Variants in CSNK2A2IP observed in about 807,000 individuals in gnomAD.
The protein encoded by CSNK2A2IP is casein kinase II subunit alpha'-interacting protein.
chr3:88,422,766 C>T, the CSNK2A2IP span, among the ~76,000 whole-genome samples: 1 of 152,114 alleles, frequency 6.6e-6, no homozygotes, highest in Non-Finnish European at 1.5e-5. Flanking sequence ...TGTTTTACCT[C>T]CTCGTTTCCT....
chr3:88,439,674 G>A, the CSNK2A2IP span, among the ~76,000 whole-genome samples: 2 of 149,940 alleles, frequency 1.3e-5, no homozygotes, highest in Non-Finnish European at 3.0e-5. Context: ...CCAGGGAGTC[G>A]GAGGTTGCAG....
At chr3:88,440,281 C>G in the CSNK2A2IP span, among the ~76,000 whole-genome samples, 301 of 152,198 alleles carry the variant, frequency 2.0e-3, no homozygotes, top group African/African-American at 7.0e-3. Context: ...AAATTTAGAA[C>G]TATTTTTTGG....
chr3:88,461,448 G>A, the CSNK2A2IP span, among the ~76,000 whole-genome samples: 13 of 152,150 alleles, frequency 8.5e-5, no homozygotes, highest in African/African-American at 2.9e-4. Context: ...AGCTACTCGT[G>A]AGGCTGAAGC....
At chr3:88,374,613 G>A in the CSNK2A2IP span, among the ~76,000 whole-genome samples, 5 of 151,460 alleles carry the variant, frequency 3.3e-5, no homozygotes, top group Non-Finnish European at 5.9e-5. Flanking sequence ...ATATCAAAAC[G>A]TACTTTTATT....
chr3:88,370,921 C>T, the CSNK2A2IP span, among the ~76,000 whole-genome samples: 2 of 151,654 alleles, frequency 1.3e-5, no homozygotes, highest in African/African-American at 4.8e-5. Flanking sequence ...CTTGCACGCA[C>T]ATAGAGAAAA....
chr3:88,397,050 A>AG, the CSNK2A2IP span, among the ~76,000 whole-genome samples: 1 of 152,188 alleles, frequency 6.6e-6, no homozygotes, highest in Non-Finnish European at 1.5e-5. Context: ...GAAAAACAAG[A>AG]GGGCATGTGA....
At chr3:88,461,494 A>G in the CSNK2A2IP span, among the ~76,000 whole-genome samples, 8 of 152,296 alleles carry the variant, frequency 5.3e-5, no homozygotes, top group Admixed American at 5.2e-4. Context: ...CGGAGCTTGC[A>G]GTGAGCCGAG....
At chr3:88,456,012 A>T in the CSNK2A2IP span, among the ~76,000 whole-genome samples, 1 of 151,886 alleles carries the variant, frequency 6.6e-6, no homozygotes, top group Non-Finnish European at 1.5e-5. Context: ...GATTGACTGC[A>T]TATGTATGGG....
At chr3:88,362,266 A>G in the CSNK2A2IP span, among the ~76,000 whole-genome samples, 1 of 152,078 alleles carries the variant, frequency 6.6e-6, no homozygotes, top group Non-Finnish European at 1.5e-5. Flanking sequence ...AGAATTTAAT[A>G]AAGATTGGGG....
the CSNK2A2IP span, among the ~76,000 whole-genome samples, chr3:88,463,736 T>C: frequency 2.0e-5 from 3 of 152,174 alleles, no homozygotes; most frequent in South Asian, 4.1e-4. Flanking sequence ...TTGTGGAAGT[T>C]GGCGTGGTGA....
At chr3:88,401,899 A>T in the CSNK2A2IP span, among the ~76,000 whole-genome samples, 8 of 152,210 alleles carry the variant, frequency 5.3e-5, no homozygotes, top group South Asian at 1.7e-3. Flanking sequence ...GAAAGTGTAA[A>T]TTAGCTTAAA....
At chr3:88,414,239 C>T in the CSNK2A2IP span, among the ~76,000 whole-genome samples, 5 of 140,444 alleles carry the variant, frequency 3.6e-5, no homozygotes, top group African/African-American at 1.3e-4. Flanking sequence ...CCTAAGGAAA[C>T]CTAAAATATC....
At chr3:88,405,803 G>A in the CSNK2A2IP span, among the ~76,000 whole-genome samples, 2 of 152,068 alleles carry the variant, frequency 1.3e-5, no homozygotes, top group Non-Finnish European at 2.9e-5. Context: ...GCCCCCACTT[G>A]CCTATTACGT....
chr3:88,408,940 G>A, the CSNK2A2IP span, among the ~76,000 whole-genome samples: 2 of 151,682 alleles, frequency 1.3e-5, no homozygotes, highest in Admixed American at 6.6e-5. Flanking sequence ...AGTCAGCCAC[G>A]ACCACTATTG....
the CSNK2A2IP span, among the ~76,000 whole-genome samples, chr3:88,354,306 T>C: frequency 6.6e-6 from 1 of 152,236 alleles, no homozygotes; most frequent in Non-Finnish European, 1.5e-5. Context: ...AGTGCTATTA[T>C]CTATCTCATA....
the CSNK2A2IP span, among the ~76,000 whole-genome samples, chr3:88,398,273 G>A: frequency 6.6e-6 from 1 of 152,060 alleles, no homozygotes; most frequent in African/African-American, 2.4e-5. Flanking sequence ...ATTTCTAGCA[G>A]TGATTTTAAT....
At chr3:88,390,356 A>T in the CSNK2A2IP span, among the ~76,000 whole-genome samples, 1 of 152,226 alleles carries the variant, frequency 6.6e-6, no homozygotes, top group Non-Finnish European at 1.5e-5. Flanking sequence ...AGCTCTATCC[A>T]ACCCAGGATA....
chr3:88,466,337 T>C, the CSNK2A2IP span: 12 of 1,231,812 alleles, frequency 9.7e-6, no homozygotes, highest in South Asian at 4.9e-4. Flanking sequence ...TCAATGTTTA[T>C]GCTTGATTGT....
chr3:88,394,898 G>A, the CSNK2A2IP span, among the ~76,000 whole-genome samples: 2 of 152,268 alleles, frequency 1.3e-5, no homozygotes, highest in African/African-American at 2.4e-5. Context: ...GAGGGTGGGA[G>A]GAGGGAGAGG....
Sources: gnomAD v4.1 joint callset for allele counts (sites outside exome capture counted in the v4.1 genomes callset) on GRCh38, gnomAD v4.1.1 for gene constraint, MANE v1.5 for transcripts, NCBI Gene and HGNC (gene_info 2026-07-23, HGNC 2026-07-21) for gene names.